The following ANO7 variants were observed in gnomAD, a reference collection of about 807,000 sequenced individuals.
The protein encoded by ANO7 is anoctamin 7.
Under a neutral mutation model 115.8 loss-of-function variants are expected in ANO7, and 114 were observed. That is an observed-to-expected ratio of 0.98 (90% CI 0.85 to 1.15). ANO7 has a LOEUF of 1.15. ANO7 is among the 50% of genes most tolerant of loss of function. The pLI is 0.00. For synonymous variants in ANO7, 550 were observed against 498.2 expected (o/e 1.10, Z -1.38); for missense variants, 1,302 against 1,201.2 (o/e 1.08, Z -1.24).
intron 9 of ANO7, among the ~76,000 whole-genome samples, chr2:241,204,190 C>T (rs560828478): frequency 1.3e-5 from 2 of 152,336 alleles, no homozygotes; most frequent in East Asian, 1.9e-4. Context: ...AGCAGCAACC[C>T]TGGGACAGCA....
At chr2:241,239,537 A>G in the ANO7 span, 1 of 1,360,538 alleles carries the variant, frequency 7.4e-7, no homozygotes, top group South Asian at 1.2e-5. This position sits in a 1 kb window ranked among gnomAD's most constrained non-coding sequence, Gnocchi z 4.6. Flanking sequence ...GCGAACACTC[A>G]TACACGGCTT....
At chr2:241,236,595 G>T in the ANO7 span, 2 of 1,612,870 alleles carry the variant, frequency 1.2e-6, no homozygotes, top group Non-Finnish European at 1.7e-6. Context: ...GGGGGTGGAG[G>T]GGGGCACATG....
chr2:241,235,236 G>A, the ANO7 span: 1 of 1,614,232 alleles, frequency 6.2e-7, no homozygotes, highest in Non-Finnish European at 8.5e-7. Context: ...CAGCTCAGGT[G>A]CCGGGACATG....
downstream of ANO7, chr2:241,229,785 C>CT: frequency 2.0e-6 from 1 of 505,748 alleles, no homozygotes; most frequent in Non-Finnish European, 3.9e-6. Context: ...AGCCCGCCTG[C>CT]CCGCCCACCC....
intron 2 of ANO7, among the ~76,000 whole-genome samples, chr2:241,190,465 C>G (rs1436049045): frequency 6.6e-6 from 1 of 152,216 alleles, no homozygotes; most frequent in Non-Finnish European, 1.5e-5. Context: ...AGGGCGGGGC[C>G]CTCCCTGTGG....
In ANO7 at chr2:241,188,872, C is replaced by T; in HGVS notation, c.-8+106C>T. 6 of 1,439,204 alleles carry T rather than the reference C, an allele frequency of 4.2e-6. No homozygotes were observed. The highest frequency in any genetic ancestry group is 4.6e-6 in the Non-Finnish European group (5 of 1,077,898). 89.2% of individuals were successfully genotyped at this position (1,439,204 alleles called of 1,614,324 possible). ...CCACCGGGACTTTCACACACCCTGG[C>T]CTGTGGGGAGGCAGTGCCAGGGCCC... On this transcript the variant is annotated intron_variant, in intron 1 of 24. Transcript: ENST00000674324. The surrounding 1 kb of genome is among the most constrained non-coding windows in gnomAD (Gnocchi z 4.3).
intron 10 of ANO7, 101 bp downstream of exon 10, chr2:241,205,056 G>T: frequency 1.1e-6 from 1 of 948,038 alleles, no homozygotes; most frequent in Admixed American, 2.0e-5. Context: ...CAGACAGCTG[G>T]TGCTTGAGGT....
intron 1 of ANO7, 23 bp from the exon 2 acceptor site, chr2:241,190,034 C>T (rs200080175): frequency 2.3e-5 from 35 of 1,544,724 alleles, no homozygotes; most frequent in Admixed American, 1.4e-4. Flanking sequence ...ACCCCCATCC[C>T]CACCCGGCCT....
At chr2:241,197,504 A>G (rs1301714098) in intron 4 of ANO7, among the ~76,000 whole-genome samples, 3 of 152,152 alleles carry the variant, frequency 2.0e-5, no homozygotes, top group Non-Finnish European at 2.9e-5. Flanking sequence ...TTCCCAGCTC[A>G]GCCTCCTGAG....
chr2:241,212,077 G>A lies in ANO7; in HGVS notation c.1562-17G>A. On this transcript the variant is annotated splice_polypyrimidine_tract_variant and intron_variant, in intron 15 of 24. Transcript: ENST00000674324. ...GTGACTCCCCCAGGGACTGAGCCCAGGCTCTCCATGCCACAGAAATGCACC... is the reference window on the plus strand; with the variant it reads ...GTGACTCCCCCAGGGACTGAGCCCAAGCTCTCCATGCCACAGAAATGCACC... 3 of 1,612,012 alleles carry A rather than the reference G, an allele frequency of 1.9e-6. No homozygotes were observed. Among genetic ancestry groups the A allele is most frequent in the South Asian group, 1.1e-5 (1 of 91,030 alleles).
At position 241,223,894 on chromosome 2, in the gene ANO7, T is replaced by A; in HGVS notation, c.2533-11T>A. 1 of 1,614,088 alleles carries A rather than the reference T, an allele frequency of 6.2e-7. No homozygotes were observed. The highest frequency in any genetic ancestry group is 8.5e-7 in the Non-Finnish European group (1 of 1,180,004). ...ATCCCTCTTCCTCTTGCTGCCCTTT[T>A]TTGGGGACAGGTTCTTTTTGGAACG... On this transcript the variant is annotated splice_polypyrimidine_tract_variant and intron_variant, in intron 23 of 24. Coordinates refer to ENST00000674324, the MANE Select transcript of ANO7 (RefSeq NM_001370694.2).
At chr2:241,223,994 C>T (rs377480253) in intron 24 of ANO7, 39 bp downstream of exon 24, 22 of 1,613,818 alleles carry the variant, frequency 1.4e-5, no homozygotes, top group Non-Finnish European at 1.9e-5. Flanking sequence ...CCCGTGCACT[C>T]CCTGAGGTCA....
At chr2:241,229,784 G>GCCCCCCCCC, downstream of ANO7, 1 of 1,502,548 alleles carries the variant, frequency 6.7e-7, no homozygotes, top group East Asian at 2.4e-5. Flanking sequence ...AAGCCCGCCT[G>GCCCCCCCCC]CCCGCCCACC....
At position 241,218,305 on chromosome 2, in the gene ANO7, G is replaced by A; in HGVS notation, c.2245G>A (p.Asp749Asn). 6.5e-7 allele frequency: 1 copy of A among 1,532,778 alleles called. No homozygotes were observed. Among genetic ancestry groups the A allele is most frequent in the East Asian group, 2.7e-5 (1 of 37,238 alleles). 94.9% of individuals were successfully genotyped at this position (1,532,778 alleles called of 1,614,324 possible). A position where few individuals can be genotyped will look rare whatever the true frequency, so the allele number is the denominator to read the frequency against. ...RAYYRWTRAH[D>N]LRGFLNFTLA... ...CTACTACCGGTGGACCCGCGCCCACGACCTGCGCGGCTTCCTCAACTTCAC... is the reference window on the plus strand; with the variant it reads ...CTACTACCGGTGGACCCGCGCCCACAACCTGCGCGGCTTCCTCAACTTCAC... Residue 749 changes from aspartate (D) to asparagine (N), a missense_variant, in exon 21 of 25, where the codon GAC (aspartate) becomes AAC (asparagine). Physicochemically the swap from Asp to Asn is conservative, Grantham distance 23. Coordinates refer to ENST00000674324, the MANE Select transcript of ANO7 (RefSeq NM_001370694.2).
Position 241,191,238 on chromosome 2 carries a change from CA to C in ANO7, c.155del (p.Lys52SerfsTer15). The C allele has an allele frequency of 6.2e-7, 1 of 1,613,832 alleles. No individual in the cohort carries two copies. The highest frequency in any genetic ancestry group is 8.5e-7 in the Non-Finnish European group (1 of 1,179,942). ...CCGCCTGCAGAGCTGGGAGTCCTGCCAAGCCCCGGATCGGTGAGCCCCTCCC... is the reference window on the plus strand; with the variant it reads ...CCGCCTGCAGAGCTGGGAGTCCTGCCAGCCCCGGATCGGTGAGCCCCTCCC... ...AAACRAGSPA[K>X]PRIADFVLVW... On this transcript the variant is annotated frameshift_variant, in exon 3 of 25. Transcript: ENST00000674324. LOFTEE classifies it high-confidence loss of function.
Position 241,224,443 on chromosome 2 carries a change from G to A in ANO7, c.*290G>A, listed in dbSNP as rs2069109254. 3 of 452,018 alleles carry A rather than the reference G, an allele frequency of 6.6e-6. No individual in the cohort carries two copies. The highest frequency in any genetic ancestry group is 2.0e-5 in the African/African-American group (1 of 50,622). 28.0% of individuals were successfully genotyped at this position (452,018 alleles called of 1,614,324 possible). On this transcript the variant is annotated 3_prime_UTR_variant, in exon 25 of 25. Transcript: ENST00000674324. Reference sequence around the variant, plus strand: ...CACCCAAGGGACCCTGTCCCTCGGTGGCCTCCCCAGGCCCCTGGACACGAC... The same window carrying A: ...CACCCAAGGGACCCTGTCCCTCGGTAGCCTCCCCAGGCCCCTGGACACGAC...
intron 2 of ANO7, among the ~76,000 whole-genome samples, chr2:241,190,986 C>T (rs938661251): frequency 2.6e-5 from 4 of 152,256 alleles, no homozygotes; most frequent in Non-Finnish European, 1.5e-5. Context: ...CTCCCCGCGC[C>T]TGCGCATCCT....
At chr2:241,192,999 C>T (rs1553625756) in intron 3 of ANO7, among the ~76,000 whole-genome samples, 3 of 152,026 alleles carry the variant, frequency 2.0e-5, no homozygotes, top group Non-Finnish European at 4.4e-5. Context: ...ATGTCAATGT[C>T]CTTAGTACCA....
At chr2:241,226,283 T>C (rs898039886), downstream of ANO7, among the ~76,000 whole-genome samples, 2 of 152,072 alleles carry the variant, frequency 1.3e-5, no homozygotes, top group African/African-American at 4.8e-5. Context: ...GCGAGCTCCA[T>C]CCGTGCCGAG....
Sources: allele counts gnomAD v4.1 joint callset (sites outside exome capture counted in the v4.1 genomes callset), GRCh38; gene constraint gnomAD v4.1.1; non-coding constraint Gnocchi (gnomAD v3.1); transcripts MANE v1.5; gene names NCBI Gene and HGNC (gene_info 2026-07-23, HGNC 2026-07-21).